SYCP3: variants seen among roughly 807,000 people sequenced by gnomAD.
The protein encoded by SYCP3 is synaptonemal complex protein 3.
A neutral mutation model predicts 38.5 loss-of-function variants in SYCP3; 29 were observed. The ratio of observed to expected loss-of-function variants is 0.75; its 90% confidence interval spans 0.56 to 1.03. SYCP3 has a LOEUF of 1.03. Among genes scored for constraint, SYCP3 ranks in the 50% least tolerant of loss-of-function variants. SYCP3 has a pLI of 0.00. For synonymous variants in SYCP3, 79 were observed against 80.3 expected, an observed-to-expected ratio of 0.98 and a Z score of 0.08; for missense variants, 242 against 270.7, an observed-to-expected ratio of 0.89 and a Z score of 0.74.
intron 1 of SYCP3, among the ~76,000 whole-genome samples, chr12:101,738,262 G>GAA (rs34763936): frequency 1.4e-4 from 18 of 128,308 alleles, no homozygotes; most frequent in East Asian, 8.7e-4. Flanking sequence ...CGTCTCTACT[G>GAA]AAAAAAAAAA....
chr12:101,737,608 T>C (rs1459993613), intron 2 of SYCP3, 195 bp downstream of exon 2: 2 of 743,764 alleles, frequency 2.7e-6, no homozygotes, highest in Non-Finnish European at 4.4e-6. Context: ...GTAACTCCGA[T>C]ACTGCAATAT....
intron 1 of SYCP3, among the ~76,000 whole-genome samples, chr12:101,738,194 C>T (rs1952536432): frequency 6.6e-6 from 1 of 151,802 alleles, no homozygotes; most frequent in South Asian, 2.1e-4. Context: ...AAGGTTGAGG[C>T]AGGCAGATCA....
chr12:101,734,446 A>T (rs1294704636), intron 5 of SYCP3, among the ~76,000 whole-genome samples: 3 of 152,184 alleles, frequency 2.0e-5, no homozygotes, highest in African/African-American at 7.2e-5. Context: ...CTTGTTACCT[A>T]AAAGGAAAAA....
rs542061093 is a variant in SYCP3, at chr12:101,729,304, T to C, written c.553-91A>G. ...CAATTAATTTTCAAAAGTAGTAATT[T>C]TTGAATATTCAAATGCTCATCTATT... is the stretch of plus-strand genomic sequence containing the variant. On this transcript the variant is annotated intron_variant, in intron 7 of 8. Transcript: ENST00000392924. 6 of 1,254,202 alleles carry C rather than the reference T, an allele frequency of 4.8e-6. No homozygotes were observed. The South Asian group carries it at 6.8e-5, about 14-fold the overall frequency. The allele number at this position is 1,254,202 out of a possible 1,614,324, so 77.7% of individuals were successfully genotyped here. A position where few individuals can be genotyped will look rare whatever the true frequency, so the allele number is the denominator to read the frequency against.
rs566435135 is a variant in SYCP3, at chr12:101,737,891, C to G, written c.45G>C (p.Pro15=). 3 of 1,614,142 alleles carry G rather than the reference C, an allele frequency of 1.9e-6. No individual in the cohort carries two copies. Among genetic ancestry groups the G allele is most frequent in the East Asian group, 4.5e-5 (2 of 44,878 alleles). Residue 15 remains proline, a synonymous_variant, in exon 2 of 9, where the codon CCG becomes CCC. Coordinates refer to ENST00000392924, the MANE Select transcript of SYCP3 (RefSeq NM_001177949.2). ...CTCTCGTAAACTGATCTTCCACAGA[C>G]GGCTTCCCAGATTTCCTGGAATACT... ...GKKYSRKSGK[P]SVEDQFTRAY...
intron 7 of SYCP3, among the ~76,000 whole-genome samples, chr12:101,731,218 T>C (rs562010963): frequency 4.9e-4 from 75 of 152,204 alleles, no homozygotes; most frequent in African/African-American, 1.7e-3. Flanking sequence ...ACACTGGGGA[T>C]AAAAAAACAA....
At chr12:101,735,837 T>C (rs1174241630) in intron 4 of SYCP3, among the ~76,000 whole-genome samples, 1 of 130,342 alleles carries the variant, frequency 7.7e-6, no homozygotes, top group East Asian at 2.1e-4. Flanking sequence ...AAACTATTTT[T>C]AATATAATCA....
At chr12:101,730,396 C>A in intron 7 of SYCP3, 2 of 380,590 alleles carry the variant, frequency 5.3e-6, no homozygotes, top group Non-Finnish European at 5.0e-6. Context: ...TTTATCAAAA[C>A]TTCACACCAA....
intron 1 of SYCP3, chr12:101,739,138 G>T: frequency 1.6e-6 from 1 of 635,290 alleles, no homozygotes; most frequent in Non-Finnish European, 2.0e-6. Context: ...TCCTGTAAGT[G>T]GTCCCAGGGT....
chr12:101,731,909 G>A (rs868398174), intron 6 of SYCP3: 10 of 339,120 alleles, frequency 2.9e-5, no homozygotes, highest in Admixed American at 1.4e-4. Context: ...TTAATTCTTG[G>A]TGATTTCAAT....
At chr12:101,739,206 G>T in intron 1 of SYCP3, 145 bp downstream of exon 1, 1 of 924,080 alleles carries the variant, frequency 1.1e-6, no homozygotes, top group Non-Finnish European at 1.3e-6. Context: ...GCCCTATCCT[G>T]CTCAAGGCCC....
intron 1 of SYCP3, 166 bp downstream of exon 1, chr12:101,739,185 C>CCCG: frequency 1.2e-6 from 1 of 868,794 alleles, no homozygotes; most frequent in Non-Finnish European, 1.4e-6. Flanking sequence ...AGCCCGCCCG[C>CCCG]TTTCCACTAG....
intron 5 of SYCP3, among the ~76,000 whole-genome samples, chr12:101,734,184 T>C (rs763933965): frequency 2.6e-5 from 4 of 152,242 alleles, no homozygotes; most frequent in Non-Finnish European, 5.9e-5. Flanking sequence ...TTCTACATTG[T>C]TGAACATAAT....
chr12:101,730,858 T>C (rs1952160595), intron 7 of SYCP3, among the ~76,000 whole-genome samples: 1 of 152,218 alleles, frequency 6.6e-6, no homozygotes, highest in Admixed American at 6.5e-5. Flanking sequence ...TCCCAATTCC[T>C]TTAATGTTAT....
intron 5 of SYCP3, 77 bp downstream of exon 5, chr12:101,734,850 G>A: frequency 9.7e-7 from 1 of 1,031,650 alleles, no homozygotes; most frequent in Non-Finnish European, 1.5e-6. Flanking sequence ...GCCGATCCTA[G>A]AATAGTATTT....
chr12:101,737,617 A>G (rs1952504436), intron 2 of SYCP3, 186 bp downstream of exon 2: 1 of 793,852 alleles, frequency 1.3e-6, no homozygotes, highest in East Asian at 2.6e-5. Context: ...ATACTGCAAT[A>G]TAAGGATCAA....
At chr12:101,735,871 A>ATATATTTTTTTTTTT in intron 4 of SYCP3, among the ~76,000 whole-genome samples, 4 of 74,760 alleles carry the variant, frequency 5.4e-5, no homozygotes, top group Non-Finnish European at 1.0e-4. Context: ...ATATATATAT[A>ATATATTTTTTTTTTT]TTTTTTTTTT....
At chr12:101,738,032 G>A in intron 1 of SYCP3, 80 bp from the exon 2 acceptor site, 1 of 1,503,750 alleles carries the variant, frequency 6.7e-7, no homozygotes, top group South Asian at 1.1e-5. Context: ...AATATCAAAG[G>A]AGATATCGAA....
intron 5 of SYCP3, among the ~76,000 whole-genome samples, 179 bp from the exon 6 acceptor site, chr12:101,733,853 T>C (rs1952284675): frequency 6.6e-6 from 1 of 152,220 alleles, no homozygotes. Context: ...AGTATTTTTT[T>C]TCTAACAAAC....
Sources: gnomAD v4.1 joint callset for allele counts (sites outside exome capture counted in the v4.1 genomes callset) on GRCh38, gnomAD v4.1.1 for gene constraint, MANE v1.5 for transcripts, NCBI Gene and HGNC (gene_info 2026-07-23, HGNC 2026-07-21) for gene names.